The following UBTD1 variants were observed in gnomAD, a reference collection of about 807,000 sequenced individuals.
UBTD1 encodes ubiquitin domain containing 1.
Under a neutral mutation model 21.7 loss-of-function variants are expected in UBTD1, and 19 were observed. The ratio of observed to expected loss-of-function variants is 0.87; its 90% CI spans 0.61 to 1.28. The LOEUF is 1.28. Among genes scored for constraint, UBTD1 ranks in the 50% most tolerant of loss-of-function variants. UBTD1 has a pLI of 0.00. For missense variants in UBTD1, 282 were observed against 315.1 expected, an observed-to-expected ratio of 0.89 and a Z score of 0.80; for synonymous variants, 116 against 135.1, an observed-to-expected ratio of 0.86 and a Z score of 0.98.
At chr10:97,535,520 C>T (rs1425657955) in intron 1 of UBTD1, among the ~76,000 whole-genome samples, 1 of 152,044 alleles carries the variant, frequency 6.6e-6, no homozygotes, top group African/African-American at 2.4e-5. Context: ...GAGGCTGAGG[C>T]AGGAGAATCG....
intron 1 of UBTD1, among the ~76,000 whole-genome samples, chr10:97,542,667 A>C (rs1484425976): frequency 2.6e-5 from 4 of 151,812 alleles, no homozygotes; most frequent in African/African-American, 9.7e-5. Flanking sequence ...AGGCTGTCTG[A>C]CTCCGAAGCC....
chr10:97,542,397 GGGA>G (rs1156395152), intron 1 of UBTD1, among the ~76,000 whole-genome samples: 3 of 152,220 alleles, frequency 2.0e-5, no homozygotes, highest in African/African-American at 7.2e-5. Flanking sequence ...AGAGCAGCTG[GGGA>G]GGGAGTGGGG....
chr10:97,531,134 T>C (rs191919334), intron 1 of UBTD1, among the ~76,000 whole-genome samples: 2 of 151,764 alleles, frequency 1.3e-5, no homozygotes, highest in South Asian at 4.1e-4. Flanking sequence ...TGATCCGCCC[T>C]CCTTGGCCTC....
At chr10:97,502,887 G>GTGTA (rs1554863506) in intron 1 of UBTD1, among the ~76,000 whole-genome samples, 1 of 144,270 alleles carries the variant, frequency 6.9e-6, no homozygotes, top group Non-Finnish European at 1.5e-5. Flanking sequence ...ATATATATAC[G>GTGTA]TATATATATG....
chr10:97,499,362 A>T (rs970405251), intron 1 of UBTD1, 89 bp downstream of exon 1: 265 of 1,418,786 alleles, frequency 1.9e-4, no homozygotes, highest in Non-Finnish European at 3.7e-5. Flanking sequence ...TGGACTCCCC[A>T]CTGGTGCTGG....
At chr10:97,527,593 G>A (rs964463751) in intron 1 of UBTD1, among the ~76,000 whole-genome samples, 1 of 152,128 alleles carries the variant, frequency 6.6e-6, no homozygotes, top group African/African-American at 2.4e-5. Context: ...AAAGGTCTCT[G>A]GTTTTCCAGG....
At chr10:97,509,489 C>A (rs1415674647) in intron 1 of UBTD1, among the ~76,000 whole-genome samples, 1 of 152,166 alleles carries the variant, frequency 6.6e-6, no homozygotes, top group Non-Finnish European at 1.5e-5. Flanking sequence ...GCTCATTGTT[C>A]CACTGATGAC....
intron 1 of UBTD1, among the ~76,000 whole-genome samples, chr10:97,524,829 G>T (rs985017320): frequency 4.6e-5 from 7 of 152,152 alleles, no homozygotes; most frequent in Admixed American, 1.3e-4. Context: ...CCATGTCTGG[G>T]CTCCAGCCAG....
chr10:97,567,552 G>A (rs948069506), intron 1 of UBTD1, among the ~76,000 whole-genome samples: 2 of 151,728 alleles, frequency 1.3e-5, no homozygotes, highest in Non-Finnish European at 2.9e-5. Context: ...CCAGCTACTC[G>A]GGAGGCTGAG....
chr10:97,530,772 A>C (rs2040525497), intron 1 of UBTD1, among the ~76,000 whole-genome samples: 1 of 152,176 alleles, frequency 6.6e-6, no homozygotes, highest in Admixed American at 6.5e-5. Flanking sequence ...GAACAAAAGA[A>C]AATGTCTCAA....
At chr10:97,529,906 T>A (rs149403984) in intron 1 of UBTD1, among the ~76,000 whole-genome samples, 203 of 152,314 alleles carry the variant, frequency 1.3e-3, no homozygotes, top group Non-Finnish European at 2.1e-3. Context: ...AGGCTCACAC[T>A]GCCTCCTCTG....
chr10:97,567,673 A>G (rs1267664680), intron 1 of UBTD1, among the ~76,000 whole-genome samples: 1 of 152,032 alleles, frequency 6.6e-6, no homozygotes, highest in African/African-American at 2.4e-5. Context: ...AACAAAAAAC[A>G]AAAAACAAAA....
At chr10:97,552,165 G>A (rs953409136) in intron 1 of UBTD1, among the ~76,000 whole-genome samples, 6 of 151,176 alleles carry the variant, frequency 4.0e-5, no homozygotes, top group Non-Finnish European at 7.4e-5. Flanking sequence ...AGGAGTTTGA[G>A]ACCAGCCTGG....
At chr10:97,499,937 A>G (rs1046625565) in intron 1 of UBTD1, among the ~76,000 whole-genome samples, 10 of 152,072 alleles carry the variant, frequency 6.6e-5, no homozygotes, top group Admixed American at 3.3e-4. Flanking sequence ...GGCCCGCGCA[A>G]CGCTTTCTCA....
chr10:97,570,066 G>A lies in UBTD1; in HGVS notation c.299-72G>A, dbSNP rs2040737606. ...GGTTAGAGTTTCACCATATGAATTT[G>A]GGGGGACCCAAACATTTAATCCATG... On this transcript the variant is annotated intron_variant, in intron 2 of 2. Coordinates refer to ENST00000370664, the MANE Select transcript of UBTD1 (RefSeq NM_024954.5). This position sits in a 1 kb window ranked among gnomAD's most constrained non-coding sequence, Gnocchi z 6.6. 1.3e-6 allele frequency: 2 copies of A among 1,521,848 alleles called. No homozygotes were observed. The highest frequency in any genetic ancestry group is 1.8e-4 in the Middle Eastern group (1 of 5,674). The allele number at this position is 1,521,848 out of a possible 1,614,324, so 94.3% of individuals were successfully genotyped here.
chr10:97,518,375 A>G (rs2040453349), intron 1 of UBTD1, among the ~76,000 whole-genome samples: 1 of 152,084 alleles, frequency 6.6e-6, no homozygotes, highest in African/African-American at 2.4e-5. Flanking sequence ...AAGGCCCTCT[A>G]TCCTCTGCAG....
intron 1 of UBTD1, among the ~76,000 whole-genome samples, chr10:97,534,311 A>T (rs2040549067): frequency 6.6e-6 from 1 of 152,216 alleles, no homozygotes; most frequent in Admixed American, 6.5e-5. Context: ...TGGGACTGAG[A>T]TGGGGAGGGC....
intron 1 of UBTD1, among the ~76,000 whole-genome samples, chr10:97,543,801 A>T (rs550988217): frequency 6.6e-6 from 1 of 152,358 alleles, no homozygotes; most frequent in South Asian, 2.1e-4. Flanking sequence ...TTATGTAATT[A>T]TGAAAATTAC....
intron 1 of UBTD1, among the ~76,000 whole-genome samples, chr10:97,562,754 TC>T (rs1296824381): frequency 1.1e-4 from 16 of 152,252 alleles, no homozygotes; most frequent in African/African-American, 3.4e-4. Context: ...TATTTTCACT[TC>T]TTTTGTAGAT....
Sources: allele counts gnomAD v4.1 joint callset (sites outside exome capture counted in the v4.1 genomes callset), GRCh38; gene constraint gnomAD v4.1.1; non-coding constraint Gnocchi (gnomAD v3.1); transcripts MANE v1.5; gene names NCBI Gene and HGNC (gene_info 2026-07-23, HGNC 2026-07-21).